Variants in TNFAIP8 observed in about 807,000 individuals in gnomAD.
TNFAIP8 encodes the protein tumor necrosis factor alpha-induced protein 8.
A neutral mutation model predicts 13.3 loss-of-function variants in TNFAIP8; 7 were observed. The observed-to-expected ratio is 0.52, with a 90% CI of 0.30 to 0.99. The LOEUF (loss-of-function observed/expected upper bound fraction) is 0.99, where lower values mean the gene tolerates loss of function less well. Ranked by LOEUF, TNFAIP8 falls within the 50% of genes least tolerant of loss-of-function variation. The pLI is 0.07. For missense variants in TNFAIP8, 258 were observed against 236.9 expected (o/e 1.09, Z -0.58); for synonymous variants, 94 against 87.6 (o/e 1.07, Z -0.41).
In TNFAIP8 at chr5:119,394,495, T is replaced by C. The variant is rs559335795; in HGVS notation, c.*1114T>C. ...AATTTTCTGTGTATAAATAATAAAG[T>C]AGGCATTTGTTTATTTTGTAAAAAA... is the stretch of plus-strand genomic sequence containing the variant. On this transcript the variant is annotated 3_prime_UTR_variant, in exon 2 of 2. Coordinates refer to ENST00000504771, the MANE Select transcript of TNFAIP8 (RefSeq NM_014350.4). 1 of 152,248 alleles carries C rather than the reference T, an allele frequency of 6.6e-6. No homozygotes were observed. Among genetic ancestry groups the C allele is most frequent in the Admixed American group, 6.5e-5 (1 of 15,276 alleles). 9.4% of individuals were successfully genotyped at this position (152,248 alleles called of 1,614,324 possible). A position where few individuals can be genotyped will look rare whatever the true frequency, so the allele number is the denominator to read the frequency against.
At chr5:119,282,191 T>C (rs920892664) in intron 1 of TNFAIP8, among the ~76,000 whole-genome samples, 1 of 152,228 alleles carries the variant, frequency 6.6e-6, no homozygotes, top group Non-Finnish European at 1.5e-5. Flanking sequence ...TCCCAAATAA[T>C]CTCTTTCTGC....
At chr5:119,279,297 C>CACAA (rs1162769403) in intron 1 of TNFAIP8, among the ~76,000 whole-genome samples, 8 of 152,208 alleles carry the variant, frequency 5.3e-5, no homozygotes, top group African/African-American at 1.7e-4. Context: ...ATAATACTGC[C>CACAA]ACAAACACCC....
intron 1 of TNFAIP8, among the ~76,000 whole-genome samples, chr5:119,277,789 A>G (rs1190458766): frequency 6.6e-6 from 1 of 152,212 alleles, no homozygotes. Flanking sequence ...GCACCCACAG[A>G]TTCAGTGTCT....
intron 1 of TNFAIP8, among the ~76,000 whole-genome samples, chr5:119,326,098 T>C (rs999951696): frequency 5.3e-5 from 8 of 152,184 alleles, no homozygotes; most frequent in Admixed American, 1.3e-4. Context: ...GTCCCCAGCA[T>C]CTAAGTCAAT....
At chr5:119,298,889 T>C (rs552255318) in intron 1 of TNFAIP8, among the ~76,000 whole-genome samples, 32 of 152,386 alleles carry the variant, frequency 2.1e-4, no homozygotes, top group South Asian at 1.9e-3. Flanking sequence ...TTTCTTCCAG[T>C]TGATCTCATC....
At chr5:119,278,602 G>T (rs1464731414) in intron 1 of TNFAIP8, among the ~76,000 whole-genome samples, 20 of 152,054 alleles carry the variant, frequency 1.3e-4, no homozygotes, top group Admixed American at 1.3e-3. Flanking sequence ...ATTGTGGGAG[G>T]TTGGCTGTGC....
At chr5:119,349,078 C>T (rs1751024320) in intron 1 of TNFAIP8, among the ~76,000 whole-genome samples, 1 of 152,116 alleles carries the variant, frequency 6.6e-6, no homozygotes, top group Non-Finnish European at 1.5e-5. Flanking sequence ...CCTGGTGAAT[C>T]CCTTCTGTGG....
intron 1 of TNFAIP8, among the ~76,000 whole-genome samples, chr5:119,385,226 A>C (rs139279191): frequency 7.9e-5 from 12 of 152,334 alleles, no homozygotes; most frequent in African/African-American, 2.9e-4. Flanking sequence ...ATTGCACCCA[A>C]GTTTACAACC....
At chr5:119,334,659 G>A (rs1462750031) in intron 1 of TNFAIP8, among the ~76,000 whole-genome samples, 1 of 139,442 alleles carries the variant, frequency 7.2e-6, no homozygotes, top group African/African-American at 2.8e-5. Context: ...GTGTGTGTGT[G>A]TATACCTGGG....
intron 1 of TNFAIP8, among the ~76,000 whole-genome samples, chr5:119,331,752 C>G (rs544834627): frequency 6.6e-6 from 1 of 152,182 alleles, no homozygotes; most frequent in Non-Finnish European, 1.5e-5. Flanking sequence ...GCCCCATCCT[C>G]CCCTAGCAGA....
At chr5:119,296,220 A>T (rs28831987) in intron 1 of TNFAIP8, among the ~76,000 whole-genome samples, 26,128 of 151,016 alleles carry the variant, frequency 0.17, 2,712 homozygotes, top group Non-Finnish European at 0.24. Flanking sequence ...TCAAAGGGAA[A>T]GCTTCCAGTT....
intron 1 of TNFAIP8, among the ~76,000 whole-genome samples, chr5:119,346,904 G>C (rs1200642438): frequency 6.6e-6 from 1 of 152,176 alleles, no homozygotes; most frequent in Non-Finnish European, 1.5e-5. Context: ...TAACATATGA[G>C]ATTGTAAGAT....
At chr5:119,302,520 T>C (rs1749427564) in intron 1 of TNFAIP8, among the ~76,000 whole-genome samples, 1 of 152,216 alleles carries the variant, frequency 6.6e-6, no homozygotes. Context: ...GATTTATTTT[T>C]CTCTTGAGAA....
chr5:119,274,109 A>C lies in TNFAIP8; in HGVS notation c.1+5202A>C, dbSNP rs560305887. On this transcript the variant is annotated intron_variant, in intron 1 of 1. Transcript: ENST00000274456. Reference sequence around the variant, plus strand: ...GGAGACAGAGATTGTGGTGTGTGCTATGTAGACCTAACTACACTCGTCTTT... The same window carrying C: ...GGAGACAGAGATTGTGGTGTGTGCTCTGTAGACCTAACTACACTCGTCTTT... Among the ~76,000 whole-genome samples, 38 of 152,296 alleles carry C rather than the reference A, an allele frequency of 2.5e-4. 1 individual carries two copies. The South Asian group carries it at 7.0e-3, about 28-fold the overall frequency.
intron 1 of TNFAIP8, among the ~76,000 whole-genome samples, chr5:119,336,485 A>C (rs559307394): frequency 6.6e-6 from 1 of 152,020 alleles, no homozygotes; most frequent in East Asian, 1.9e-4. Context: ...CTGTCTACCT[A>C]TAGAGGCCTC....
chr5:119,387,480 A>C (rs79729798), intron 1 of TNFAIP8, among the ~76,000 whole-genome samples: 2,053 of 152,274 alleles, frequency 0.013, 46 homozygotes, highest in African/African-American at 0.046. Context: ...TGAGGGGAAA[A>C]AATTATGTAT....
At chr5:119,299,375 C>T (rs1203530116) in intron 1 of TNFAIP8, among the ~76,000 whole-genome samples, 2 of 152,194 alleles carry the variant, frequency 1.3e-5, no homozygotes, top group African/African-American at 2.4e-5. Context: ...AGGTCCACTC[C>T]AGACCCAGTT....
chr5:119,329,297 A>G (rs533145952), intron 1 of TNFAIP8, among the ~76,000 whole-genome samples: 17 of 152,256 alleles, frequency 1.1e-4, no homozygotes, highest in Non-Finnish European at 2.5e-4. Flanking sequence ...TACTTAAAAC[A>G]TAGAAACAAG....
intron 1 of TNFAIP8, among the ~76,000 whole-genome samples, chr5:119,274,188 C>T (rs754153279): frequency 4.0e-5 from 6 of 151,666 alleles, no homozygotes; most frequent in Non-Finnish European, 7.4e-5. Flanking sequence ...CATGCAGACA[C>T]GAAAAAAAAT....
Sources: gnomAD v4.1 joint callset for allele counts (sites outside exome capture counted in the v4.1 genomes callset) on GRCh38, gnomAD v4.1.1 for gene constraint, MANE v1.5 for transcripts, NCBI Gene and HGNC (gene_info 2026-07-23, HGNC 2026-07-21) for gene names.